The following CYP3A4 variants were observed in gnomAD, a reference collection of about 807,000 sequenced individuals.
CYP3A4 encodes cytochrome P450 3A4.
In CYP3A4, 41 loss-of-function variants were observed where a neutral mutation model predicts 54.9. The ratio of observed to expected loss-of-function variants is 0.75; its 90% confidence interval spans 0.58 to 0.97. CYP3A4 has a LOEUF of 0.97. CYP3A4 is among the 50% of genes least tolerant of loss of function. The probability of loss-of-function intolerance (pLI) is 0.00; values close to 1 mark genes in which losing one functional copy is unlikely to be tolerated. For missense variants in CYP3A4, 510 were observed against 597.3 expected (o/e 0.85, Z 1.52); for synonymous variants, 179 against 205.2 (o/e 0.87, Z 1.09).
Position 99,783,214 on chromosome 7 carries a change from CAT to C in CYP3A4, c.71+795_71+796del, listed in dbSNP as rs567974113. On this transcript the variant is annotated intron_variant, in intron 1 of 12. Coordinates refer to ENST00000651514, the MANE Select transcript of CYP3A4 (RefSeq NM_017460.6). ...AAATTGAGGTAGAAGTGAAATGTGACATGTGAGAAGCCTCCACTACCCACAGT... is the reference window on the plus strand; with the variant it reads ...AAATTGAGGTAGAAGTGAAATGTGACGTGAGAAGCCTCCACTACCCACAGT... Among the ~76,000 whole-genome samples the C allele has an allele frequency of 3.3e-5, 5 of 152,298 alleles. No homozygotes were observed. The East Asian group carries it at 9.6e-4, about 29-fold the overall frequency.
intron 8 of CYP3A4, 56 bp from the exon 9 acceptor site, chr7:99,766,499 A>C: frequency 6.2e-7 from 1 of 1,607,686 alleles, no homozygotes; most frequent in Non-Finnish European, 8.5e-7. Context: ...AGTCAGAAGT[A>C]AATCACAAGC....
intron 9 of CYP3A4, among the ~76,000 whole-genome samples, chr7:99,765,772 AC>A (rs1241085668): frequency 6.6e-6 from 1 of 152,206 alleles, no homozygotes; most frequent in African/African-American, 2.4e-5. Flanking sequence ...AACATTGAAG[AC>A]AAAGAGGATA....
chr7:99,767,051 T>C (rs1288961293), intron 8 of CYP3A4, 80 bp downstream of exon 8: 7 of 1,311,792 alleles, frequency 5.3e-6, no homozygotes, highest in Non-Finnish European at 7.5e-6. Flanking sequence ...AACATACAGG[T>C]AACTGCACTG....
rs141850243 is a variant in CYP3A4, at chr7:99,760,882, G to A, written c.1353C>T (p.Asn451=). ...GGACTCTGATTAGAGCAAGTTTCAT[G>A]TTCATGAGAGCAAACCTCATGCCAA... ...NCIGMRFALM[N]MKLALIRVLQ... Residue 451 remains asparagine (N), a synonymous_variant, in exon 12 of 13, where the codon AAC becomes AAT. Coordinates refer to ENST00000651514, the MANE Select transcript of CYP3A4 (RefSeq NM_017460.6). 1.2e-6 allele frequency: 2 copies of A among 1,614,132 alleles called. No individual in the cohort carries two copies. Among genetic ancestry groups the A allele is most frequent in the Non-Finnish European group, 8.5e-7 (1 of 1,179,974 alleles).
chr7:99,766,274 G>A (rs1815474246), intron 9 of CYP3A4, 103 bp downstream of exon 9: 1 of 1,365,188 alleles, frequency 7.3e-7, no homozygotes, highest in Non-Finnish European at 1.0e-6. Flanking sequence ...GTTCTGCTAT[G>A]TGGCAGAAAT....
At chr7:99,776,277 A>G (rs1307820954) in intron 3 of CYP3A4, among the ~76,000 whole-genome samples, 1 of 152,166 alleles carries the variant, frequency 6.6e-6, no homozygotes, top group Non-Finnish European at 1.5e-5. Context: ...ATTGTGGAAG[A>G]CAGTGTGGTG....
chr7:99,775,953 G>A (rs1334023779), intron 3 of CYP3A4, among the ~76,000 whole-genome samples: 1 of 152,012 alleles, frequency 6.6e-6, no homozygotes, highest in Non-Finnish European at 1.5e-5. Flanking sequence ...TCTGACGAAG[G>A]GCTAACATCC....
At chr7:99,773,530 T>A (rs1465315335) in intron 3 of CYP3A4, among the ~76,000 whole-genome samples, 1 of 152,050 alleles carries the variant, frequency 6.6e-6, no homozygotes, top group African/African-American at 2.4e-5. Flanking sequence ...TTACAACTCA[T>A]GATTAAGAAA....
intron 9 of CYP3A4, 49 bp downstream of exon 9, chr7:99,766,328 C>G (rs769942952): frequency 6.3e-7 from 1 of 1,596,616 alleles, no homozygotes; most frequent in South Asian, 1.1e-5. Context: ...CAGAACAAGG[C>G]CTTCCCTCTG....
chr7:99,773,775 CAATT>C (rs1202684254), intron 3 of CYP3A4, among the ~76,000 whole-genome samples: 1 of 152,080 alleles, frequency 6.6e-6, no homozygotes. Flanking sequence ...AGTAACATCA[CAATT>C]AACAGAACTA....
At chr7:99,763,520 T>C (rs563604238) in intron 10 of CYP3A4, among the ~76,000 whole-genome samples, 12 of 152,310 alleles carry the variant, frequency 7.9e-5, no homozygotes, top group East Asian at 1.9e-4. Flanking sequence ...GCTGCAAACA[T>C]GTAATTCACA....
intron 2 of CYP3A4, among the ~76,000 whole-genome samples, chr7:99,778,715 G>A (rs1158895647): frequency 6.6e-6 from 1 of 152,162 alleles, no homozygotes. Flanking sequence ...ATCGGACACA[G>A]CAAATTACAA....
At chr7:99,772,366 T>C (rs1815656637) in intron 4 of CYP3A4, among the ~76,000 whole-genome samples, 1 of 152,152 alleles carries the variant, frequency 6.6e-6, no homozygotes, top group Non-Finnish European at 1.5e-5. Flanking sequence ...CTGAATAAGC[T>C]CTGTGAACTG....
At chr7:99,775,004 A>T (rs1815725999) in intron 3 of CYP3A4, among the ~76,000 whole-genome samples, 1 of 152,196 alleles carries the variant, frequency 6.6e-6, no homozygotes, top group South Asian at 2.1e-4. Context: ...CAGGATACAA[A>T]ATCAATTTAC....
chr7:99,766,885 G>A (rs984965612), intron 8 of CYP3A4: 6 of 389,222 alleles, frequency 1.5e-5, no homozygotes, highest in African/African-American at 6.2e-5. Flanking sequence ...AATTTATGCC[G>A]TGGCATACTA....
chr7:99,775,048 GACAA>G (rs1287280075), intron 3 of CYP3A4, among the ~76,000 whole-genome samples: 1 of 152,020 alleles, frequency 6.6e-6, no homozygotes, highest in Non-Finnish European at 1.5e-5. Flanking sequence ...ACCAATAATA[GACAA>G]ACAGAGAGCC....
At chr7:99,781,358 A>T (rs1258542863) in intron 1 of CYP3A4, among the ~76,000 whole-genome samples, 4 of 152,200 alleles carry the variant, frequency 2.6e-5, no homozygotes, top group African/African-American at 9.6e-5. Flanking sequence ...AGAAAAGACT[A>T]ACATAGCCAG....
At chr7:99,774,439 T>C (rs1269570513) in intron 3 of CYP3A4, among the ~76,000 whole-genome samples, 2 of 152,172 alleles carry the variant, frequency 1.3e-5, no homozygotes, top group Non-Finnish European at 2.9e-5. Flanking sequence ...GCGAAAATCC[T>C]CAATAAAATA....
chr7:99,779,000 A>G (rs1444980194), intron 2 of CYP3A4, among the ~76,000 whole-genome samples: 1 of 152,190 alleles, frequency 6.6e-6, no homozygotes, highest in African/African-American at 2.4e-5. Flanking sequence ...AAGATGATGT[A>G]AGCCAAAGAG....
Sources: allele counts gnomAD v4.1 joint callset (sites outside exome capture counted in the v4.1 genomes callset), GRCh38; gene constraint gnomAD v4.1.1; transcripts MANE v1.5; gene names NCBI Gene and HGNC (gene_info 2026-07-23, HGNC 2026-07-21).